Variants in DPP6 observed in about 807,000 individuals in gnomAD.
DPP6 encodes the protein A-type potassium channel modulatory protein DPP6.
DPP6 carries 69 observed loss-of-function variants against 122.6 expected under a neutral mutation model. The observed-to-expected ratio is 0.56, with a 90% confidence interval of 0.46 to 0.69. The LOEUF is 0.69. Among genes scored for constraint, DPP6 ranks in the 30% least tolerant of loss-of-function variants. The probability of loss-of-function intolerance (pLI) is 0.00; values close to 1 mark genes in which losing one functional copy is unlikely to be tolerated. For missense variants in DPP6, 928 were observed against 1,116.9 expected (o/e 0.83, Z 2.41); for synonymous variants, 418 against 433.1 (o/e 0.97, Z 0.43).
rs1333640362 is a variant in DPP6, at chr7:154,602,758, T to A, written c.628-35063T>A. On this transcript the variant is annotated intron_variant, in intron 5 of 25. Coordinates refer to ENST00000377770, the MANE Select transcript of DPP6 (RefSeq NM_130797.4). ...TTTCTTAATTCTTAATCCTTTTTTT[T>A]TTTTTTTGAGACAGGGTCTTACTCT... Among the ~76,000 whole-genome samples the A allele has an allele frequency of 1.7e-5, 2 of 116,306 alleles. 1 individual carries two copies. Among genetic ancestry groups the A allele is most frequent in the Non-Finnish European group, 3.8e-5 (2 of 51,952 alleles). The allele number at this position is 116,306 out of a possible 152,430, so 76.3% of individuals were successfully genotyped here. A position where few individuals can be genotyped will look rare whatever the true frequency, so the allele number is the denominator to read the frequency against.
At chr7:154,228,370 C>A (rs1023260702) in intron 1 of DPP6, among the ~76,000 whole-genome samples, 18 of 152,198 alleles carry the variant, frequency 1.2e-4, no homozygotes, top group African/African-American at 4.1e-4. Flanking sequence ...AATTTTATTA[C>A]TTGATCTACA....
At chr7:153,928,351 A>T (rs895203134) in intron 1 of DPP6, among the ~76,000 whole-genome samples, 1 of 143,082 alleles carries the variant, frequency 7.0e-6, no homozygotes, top group African/African-American at 2.6e-5. Context: ...AGCTGGGATT[A>T]CAGGCGTGCA....
chr7:154,209,758 G>A (rs1160691443), intron 1 of DPP6, among the ~76,000 whole-genome samples: 1 of 152,128 alleles, frequency 6.6e-6, no homozygotes, highest in Non-Finnish European at 1.5e-5. Context: ...AATCCACAAT[G>A]GGCATCAGTC....
intron 3 of DPP6, among the ~76,000 whole-genome samples, chr7:154,538,706 TC>T (rs370926960): frequency 0.033 from 4,959 of 152,234 alleles, 267 homozygotes; most frequent in African/African-American, 0.11. Context: ...TTAAGTGCTT[TC>T]TAAAAAAAAA....
intron 1 of DPP6, among the ~76,000 whole-genome samples, chr7:153,983,363 A>G (rs1225601060): frequency 6.6e-6 from 1 of 152,162 alleles, no homozygotes; most frequent in African/African-American, 2.4e-5. Flanking sequence ...AAAACCACGT[A>G]CTCAAGCCTC....
chr7:154,142,524 C>T (rs1403725728), intron 1 of DPP6, among the ~76,000 whole-genome samples: 1 of 152,028 alleles, frequency 6.6e-6, no homozygotes, highest in African/African-American at 2.4e-5. Context: ...AATATCAAAC[C>T]ATTTATTCAT....
chr7:154,777,788 G>A (rs923251790), intron 10 of DPP6, among the ~76,000 whole-genome samples: 2 of 152,072 alleles, frequency 1.3e-5, no homozygotes, highest in Non-Finnish European at 2.9e-5. Flanking sequence ...CAGAACCCAA[G>A]ACACAAAACC....
chr7:153,969,773 C>T (rs967006113), intron 1 of DPP6, among the ~76,000 whole-genome samples: 1 of 150,618 alleles, frequency 6.6e-6, no homozygotes, highest in African/African-American at 2.5e-5. Context: ...CATGTAAGCA[C>T]GATTATGATA....
chr7:154,266,546 T>A (rs1297333693), intron 1 of DPP6, among the ~76,000 whole-genome samples: 2 of 152,184 alleles, frequency 1.3e-5, no homozygotes, highest in Non-Finnish European at 2.9e-5. Flanking sequence ...GCCATTGCAC[T>A]CCAGCCTGGG....
intron 7 of DPP6, among the ~76,000 whole-genome samples, 154 bp downstream of exon 7, chr7:154,669,595 G>A (rs1178556108): frequency 1.3e-5 from 2 of 151,780 alleles, no homozygotes; most frequent in African/African-American, 4.8e-5. Context: ...GGTACACCAG[G>A]GTGTCTGAAT....
chr7:154,695,529 G>C (rs1344836555), intron 7 of DPP6, among the ~76,000 whole-genome samples: 1 of 152,204 alleles, frequency 6.6e-6, no homozygotes. Context: ...GATTGCTATA[G>C]TTCAGAGAGG....
chr7:154,435,230 G>A (rs1176534941), intron 1 of DPP6, among the ~76,000 whole-genome samples: 2 of 152,112 alleles, frequency 1.3e-5, no homozygotes, highest in African/African-American at 4.8e-5. Flanking sequence ...CAGGGACAGA[G>A]AGACAGAGAG....
At chr7:154,443,706 A>T (rs1819607133) in intron 1 of DPP6, among the ~76,000 whole-genome samples, 1 of 151,026 alleles carries the variant, frequency 6.6e-6, no homozygotes, top group Non-Finnish European at 1.5e-5. Flanking sequence ...GGATGGATGG[A>T]TACGTCGACG....
At chr7:154,292,652 T>G (rs1054795284) in intron 1 of DPP6, among the ~76,000 whole-genome samples, 9 of 152,178 alleles carry the variant, frequency 5.9e-5, no homozygotes, top group Admixed American at 5.9e-4. Context: ...CTGGAGAAGC[T>G]AAGGGATCTG....
chr7:154,845,807 A>G (rs1462203454), intron 16 of DPP6, among the ~76,000 whole-genome samples: 2 of 152,276 alleles, frequency 1.3e-5, no homozygotes, highest in African/African-American at 4.8e-5. Context: ...AATATTTACT[A>G]AAATGTGAAC....
Position 154,067,907 on chromosome 7 carries a change from G to T in DPP6, c.243+14844G>T, listed in dbSNP as rs76920357. ...CCACACCCACTCAAGGTTTTTTTTT[G>T]TTTTTTTTTTGTTTGTTTGTTTGTT... On this transcript the variant is annotated intron_variant, in intron 1 of 25. Transcript: ENST00000377770. 7.0e-3 allele frequency among the ~76,000 whole-genome samples: 993 copies of T among 141,996 alleles called. 20 individuals carry two copies. The highest frequency in any genetic ancestry group is 0.027 in the African/African-American group (926 of 34,088). The allele number at this position is 141,996 out of a possible 152,430, so 93.2% of individuals were successfully genotyped here. A position where few individuals can be genotyped will look rare whatever the true frequency, so the allele number is the denominator to read the frequency against.
chr7:154,440,597 T>G (rs1819288560), intron 1 of DPP6, among the ~76,000 whole-genome samples: 1 of 152,162 alleles, frequency 6.6e-6, no homozygotes, highest in Non-Finnish European at 1.5e-5. Flanking sequence ...TACCTAACCA[T>G]GGGTATAGTT....
intron 10 of DPP6, among the ~76,000 whole-genome samples, chr7:154,774,997 A>C (rs1478895847): frequency 6.6e-6 from 1 of 152,214 alleles, no homozygotes; most frequent in East Asian, 1.9e-4. Flanking sequence ...TCAGTGCTGT[A>C]GGGGGCAGTC....
chr7:154,360,088 T>G (rs1811605028), intron 1 of DPP6, among the ~76,000 whole-genome samples: 1 of 152,258 alleles, frequency 6.6e-6, no homozygotes, highest in South Asian at 2.1e-4. Context: ...ATGCCAGTAG[T>G]GATCCTCCCT....
Sources: gnomAD v4.1 joint callset for allele counts (sites outside exome capture counted in the v4.1 genomes callset) on GRCh38, gnomAD v4.1.1 for gene constraint, MANE v1.5 for transcripts, NCBI Gene and HGNC (gene_info 2026-07-23, HGNC 2026-07-21) for gene names.